The following FOXRED2 variants were observed in gnomAD, a reference collection of about 807,000 sequenced individuals.
FOXRED2 encodes the protein FAD-dependent oxidoreductase domain-containing protein 2.
Under a neutral mutation model 52.5 loss-of-function variants are expected in FOXRED2, and 32 were observed. That is an observed-to-expected ratio of 0.61 (90% CI 0.46 to 0.82). FOXRED2 has a LOEUF of 0.82. Ranked by LOEUF, FOXRED2 falls within the 40% of genes least tolerant of loss-of-function variation. The probability of loss-of-function intolerance (pLI) is 0.00; values close to 1 mark genes in which losing one functional copy is unlikely to be tolerated. For synonymous variants in FOXRED2, 405 were observed against 398.1 expected, an observed-to-expected ratio of 1.02 and a Z score of -0.21; for missense variants, 848 against 937.5, an observed-to-expected ratio of 0.90 and a Z score of 1.25.
chr22:36,493,438 C>CAAA (rs112901270), intron 8 of FOXRED2, among the ~76,000 whole-genome samples, 195 bp downstream of exon 8: 13 of 130,484 alleles, frequency 1.0e-4, no homozygotes, highest in Admixed American at 1.6e-4. Flanking sequence ...GACTCCATCT[C>CAAA]AAAAAAAAAA....
chr22:36,506,306 C>G lies in FOXRED2; in HGVS notation c.117G>C (p.Gly39=). 6.4e-7 allele frequency: 1 copy of G among 1,557,742 alleles called. No homozygotes were observed. The highest frequency in any genetic ancestry group is 1.4e-5 in the African/African-American group (1 of 73,964). The change falls in exon 2 of 9, where the codon GGG becomes GGC. Residue 39 remains glycine, a synonymous_variant. Coordinates refer to ENST00000397224, the MANE Select transcript of FOXRED2 (RefSeq NM_001102371.2). ...PRRDYCVLGA[G]PAGLQMAYFL... ...AGTAGGCCATCTGCAGGCCCGCGGG[C>G]CCAGCGCCCAGCACGCAGTAGTCCC...
chr22:36,489,944 G>A lies in FOXRED2; in HGVS notation c.*64C>T. 1 of 1,469,460 alleles carries A rather than the reference G, an allele frequency of 6.8e-7. No individual in the cohort carries two copies. Among genetic ancestry groups the A allele is most frequent in the South Asian group, 1.4e-5 (1 of 72,264 alleles). 91.0% of individuals were successfully genotyped at this position (1,469,460 alleles called of 1,614,324 possible). ...GGGAGTGTGAGGTTGCGGGGAAAGA[G>A]GGACTGACCATGGGCCTAGGTGGGG... On this transcript the variant is annotated 3_prime_UTR_variant, in exon 9 of 9. Coordinates refer to ENST00000397224, the MANE Select transcript of FOXRED2 (RefSeq NM_001102371.2).
chr22:36,489,883 C>T lies in FOXRED2; in HGVS notation c.*125G>A. 1 of 1,041,176 alleles carries T rather than the reference C, an allele frequency of 9.6e-7. No individual in the cohort carries two copies. The highest frequency in any genetic ancestry group is 1.6e-5 in the African/African-American group (1 of 61,780). 64.5% of individuals were successfully genotyped at this position (1,041,176 alleles called of 1,614,324 possible). On this transcript the variant is annotated 3_prime_UTR_variant, in exon 9 of 9. Coordinates refer to ENST00000397224, the MANE Select transcript of FOXRED2 (RefSeq NM_001102371.2). ...CTGGTGGCTTTGCTGCAGACACTGC[C>T]ATGATCTGAGTGGTCTTTGGCAATC...
rs145071059 is a variant in FOXRED2, at chr22:36,504,179, T to C, written c.968A>G (p.Asn323Ser). The part of the protein sequence containing the change: ...ADSITLPQDD[N>S]DNFAMRVPYD... ...GGGCACGCGCATGGCAAAGTTGTCA[T>C]TGTCGTCCTGGGGGAGGGTGATGGA... Residue 323 changes from asparagine (N) to serine (S), a missense_variant, in exon 4 of 9, where the codon AAT becomes AGT. By Grantham distance (46) the Asn-to-Ser change is conservative. Coordinates refer to ENST00000397224, the MANE Select transcript of FOXRED2 (RefSeq NM_001102371.2). 103 of 1,614,084 alleles carry C rather than the reference T, an allele frequency of 6.4e-5. No homozygotes were observed. Among genetic ancestry groups the C allele is most frequent in the Middle Eastern group, 1.6e-4 (1 of 6,084 alleles).
At chr22:36,493,206 G>A (rs12166803) in intron 8 of FOXRED2, among the ~76,000 whole-genome samples, 8,499 of 152,262 alleles carry the variant, frequency 0.056, 783 homozygotes, top group African/African-American at 0.19. Flanking sequence ...ACTTCAGCAG[G>A]CTGAGGCAGG....
At chr22:36,504,909 T>G in intron 2 of FOXRED2, 143 bp from the exon 3 acceptor site, 1 of 859,514 alleles carries the variant, frequency 1.2e-6, no homozygotes, top group Non-Finnish European at 1.8e-6. Flanking sequence ...ATTCATTCAT[T>G]TTTCATTCAT....
chr22:36,487,229 G>A lies in FOXRED2; in HGVS notation c.*2779C>T, dbSNP rs530597198. On this transcript the variant is annotated 3_prime_UTR_variant, in exon 9 of 9. Transcript: ENST00000397224. ...CAATTTTACTTCTATACAAGAGTGC[G>A]TCTCATGGATGGTGCAATGGCGAGA... 6 of 152,328 alleles carry A rather than the reference G, an allele frequency of 3.9e-5. No individual in the cohort carries two copies. The highest frequency in any genetic ancestry group is 2.1e-4 in the South Asian group (1 of 4,822). The allele number at this position is 152,328 out of a possible 1,614,324, so 9.4% of individuals were successfully genotyped here.
At chr22:36,505,810 C>G in intron 2 of FOXRED2, 86 bp downstream of exon 2, 1 of 1,387,792 alleles carries the variant, frequency 7.2e-7, no homozygotes, top group Non-Finnish European at 1.0e-6. Context: ...TCGTCCATTC[C>G]TCCCATACCT....
At chr22:36,501,816 C>T (rs1323598600) in intron 4 of FOXRED2, among the ~76,000 whole-genome samples, 1 of 152,094 alleles carries the variant, frequency 6.6e-6, no homozygotes, top group Non-Finnish European at 1.5e-5. Context: ...TTAGATTTCT[C>T]GTCTCATTTA....
At position 36,496,051 on chromosome 22, in the gene FOXRED2, C is replaced by A. The variant is rs1262106602; in HGVS notation, c.1540G>T (p.Asp514Tyr). The change falls in exon 7 of 9, where the codon GAC becomes TAC. Residue 514 changes from aspartate to tyrosine, a missense_variant. Transcript: ENST00000397224. ...TCTTCTGTGTGCCCCACAGACCGGT[C>A]ATCAAAGAAGACGTCCTTGTCGGGG... Reference protein sequence around the residue: ...SGPDKDVFFDDRSVGHTEDAW... With the variant: ...SGPDKDVFFDYRSVGHTEDAW... The A allele has an allele frequency of 3.1e-6, 5 of 1,614,112 alleles. No individual in the cohort carries two copies. The highest frequency in any genetic ancestry group is 4.2e-6 in the Non-Finnish European group (5 of 1,180,058).
At position 36,493,761 on chromosome 22, in the gene FOXRED2, C is replaced by T. The variant is rs748319420; in HGVS notation, c.1667G>A (p.Arg556Gln). 2.0e-5 allele frequency: 32 copies of T among 1,614,142 alleles called. No individual in the cohort carries two copies. The highest frequency in any genetic ancestry group is 6.6e-5 in the South Asian group (6 of 91,080). ...RFRPAHWPLP[R>Q]PTAIHHIVED... ...CACGATGTGATGGATGGCCGTGGGC[C>T]GAGGCAGGGGCCAGTGTGCAGGGCG... Residue 556 changes from arginine to glutamine, a missense_variant, in exon 8 of 9, where the codon CGG (arginine) becomes CAG (glutamine). Transcript: ENST00000397224.
intron 1 of FOXRED2, 41 bp from the exon 2 acceptor site, chr22:36,506,464 G>C: frequency 2.8e-6 from 4 of 1,414,144 alleles, no homozygotes; most frequent in Non-Finnish European, 3.7e-6. Context: ...ACCCGGCCCG[G>C]CGGCTGGGAG....
In FOXRED2 at chr22:36,497,868, C is replaced by T. The variant is rs575166652; in HGVS notation, c.1382+123G>A. 53 of 1,082,712 alleles carry T rather than the reference C, an allele frequency of 4.9e-5. 1 individual carries two copies. The South Asian group carries it at 7.1e-4, about 14-fold the overall frequency. The allele number at this position is 1,082,712 out of a possible 1,614,324, so 67.1% of individuals were successfully genotyped here. On this transcript the variant is annotated intron_variant, in intron 6 of 8. Transcript: ENST00000397224. The stretch of plus-strand genomic sequence containing the variant: ...GTTTTTCCCCAGAACAGGCATGTTC[C>T]CCACAGCAGCCTTCATCTTAGGAAA...
rs777324332 is a variant in FOXRED2 at position 36,505,979 on chromosome 22, G to A, written c.444C>T (p.His148=). ...CCTGTCGGTCCTTGTCCAGAGTGAC[G>A]TGGGCGATGGTGGTGTTGTACTGGA... The part of the protein sequence containing the change: ...LRVQYNTTIA[H]VTLDKDRQAW... Residue 148 remains histidine, a synonymous_variant, in exon 2 of 9, where the codon CAC becomes CAT. Transcript: ENST00000397224. The A allele has an allele frequency of 3.1e-6, 5 of 1,614,230 alleles. No individual in the cohort carries two copies. In the South Asian group the frequency reaches 4.4e-5, roughly 14 times the overall value.
At position 36,501,300 on chromosome 22, in the gene FOXRED2, C is replaced by G; in HGVS notation, c.1157G>C (p.Ser386Thr). 1 of 1,614,156 alleles carries G rather than the reference C, an allele frequency of 6.2e-7. No individual in the cohort carries two copies. The highest frequency in any genetic ancestry group is 8.5e-7 in the Non-Finnish European group (1 of 1,180,018). ...SRGLFILGTA[S>T]HSVDYRKSAG... ...AGATTTCCGGTAGTCCACCGAGTGG[C>G]TGGCAGTACCCAGGATAAACAGACC... Residue 386 changes from serine (S) to threonine (T), a missense_variant, in exon 5 of 9, where the codon AGC becomes ACC. By Grantham distance (58) the Ser-to-Thr change is moderately conservative (BLOSUM62 1). Coordinates refer to ENST00000397224, the MANE Select transcript of FOXRED2 (RefSeq NM_001102371.2).
chr22:36,502,996 T>G (rs1374233971), intron 4 of FOXRED2, among the ~76,000 whole-genome samples: 9 of 25,370 alleles, frequency 3.5e-4, no homozygotes, highest in Non-Finnish European at 1.4e-3. Context: ...CAGCCATCTC[T>G]TTTTTTTTTT....
At position 36,498,340 on chromosome 22, in the gene FOXRED2, C is replaced by T. The variant is rs546059438; in HGVS notation, c.1217-184G>A. The T allele has an allele frequency of 1.3e-4, 79 of 619,490 alleles. 3 individuals carry two copies. The South Asian group carries it at 1.6e-3, about 13-fold the overall frequency. 38.4% of individuals were successfully genotyped at this position (619,490 alleles called of 1,614,324 possible). On this transcript the variant is annotated intron_variant, in intron 5 of 8. Transcript: ENST00000397224. ...GATGGCAGCTGCCTTTAGAGCAGGGCCAGCAGGTATTTTCTGGAAAGGGCC... is the reference window on the plus strand; with the variant it reads ...GATGGCAGCTGCCTTTAGAGCAGGGTCAGCAGGTATTTTCTGGAAAGGGCC...
In FOXRED2 at chr22:36,504,281, A is replaced by G. The variant is rs575736375; in HGVS notation, c.866T>C (p.Leu289Pro). 34 of 1,614,184 alleles carry G rather than the reference A, an allele frequency of 2.1e-5. No individual in the cohort carries two copies. In the East Asian group the frequency reaches 7.6e-4, roughly 36 times the overall value. The stretch of plus-strand genomic sequence containing the variant: ...ATGGAACTTGCCTTTGCTGTCCTTC[A>G]GGATGGCCAGATCCGTCAGGTCAGA... ...LESDLTDLAI[L>P]KDSKGKFHVT... The change falls in exon 4 of 9, where the codon CTG (leucine) becomes CCG (proline). Residue 289 changes from leucine to proline, a missense_variant. Physicochemically the swap from Leu to Pro is moderately conservative, Grantham distance 98. Coordinates refer to ENST00000397224, the MANE Select transcript of FOXRED2 (RefSeq NM_001102371.2).
intron 8 of FOXRED2, among the ~76,000 whole-genome samples, chr22:36,491,963 G>A (rs1223058452): frequency 6.6e-6 from 1 of 152,122 alleles, no homozygotes; most frequent in Admixed American, 6.6e-5. Context: ...CTGTAACTCT[G>A]AGCGAGCCTT....
Sources: gnomAD v4.1 joint callset for allele counts (sites outside exome capture counted in the v4.1 genomes callset) on GRCh38, gnomAD v4.1.1 for gene constraint, MANE v1.5 for transcripts, NCBI Gene and HGNC (gene_info 2026-07-23, HGNC 2026-07-21) for gene names.